NIN: variants seen among roughly 807,000 people sequenced by gnomAD.
NIN encodes ninein.
NIN carries 137 observed loss-of-function variants against 257.6 expected under a neutral mutation model. That is an observed-to-expected ratio of 0.53 (90% CI 0.46 to 0.61). The LOEUF is 0.61. Among genes scored for constraint, NIN ranks in the 20% least tolerant of loss-of-function variants. NIN has a pLI of 0.00. For synonymous variants in NIN, 918 were observed against 919.8 expected (o/e 1.00, Z 0.04); for missense variants, 2,439 against 2,501.2 (o/e 0.98, Z 0.53).
At position 50,751,384 on chromosome 14, in the gene NIN, T is replaced by C. The variant is rs187695026; in HGVS notation, c.4950+1134A>G. On this transcript the variant is annotated intron_variant, in intron 21 of 30. Transcript: ENST00000530997. ...AAAAAGGCGGTACCAGTTTGTATTCTCCCAGCAAAGCATGAAAGAGTCTGT... is the reference window on the plus strand; with the variant it reads ...AAAAAGGCGGTACCAGTTTGTATTCCCCCAGCAAAGCATGAAAGAGTCTGT... Among the ~76,000 whole-genome samples the C allele has an allele frequency of 6.4e-3, 969 of 152,314 alleles. 3 individuals are homozygous for C. Among genetic ancestry groups the C allele is most frequent in the South Asian group, 1.0e-2 (48 of 4,822 alleles).
intron 2 of NIN, among the ~76,000 whole-genome samples, chr14:50,823,765 C>G (rs920560157): frequency 1.3e-5 from 2 of 152,210 alleles, no homozygotes; most frequent in Admixed American, 6.5e-5. Context: ...TTTTCTGTTA[C>G]TAAGGTGCTG....
chr14:50,802,544 A>T (rs932027273), intron 4 of NIN, among the ~76,000 whole-genome samples: 3 of 152,236 alleles, frequency 2.0e-5, no homozygotes, highest in African/African-American at 7.2e-5. Context: ...CTATAAAAAC[A>T]TGAGATATAC....
intron 6 of NIN, 122 bp downstream of exon 6, chr14:50,778,643 G>C: frequency 3.7e-6 from 3 of 809,208 alleles, no homozygotes; most frequent in Non-Finnish European, 6.3e-6. Flanking sequence ...TAAATTTTTT[G>C]TTGCTGTTGT....
chr14:50,785,130 C>T (rs1435816407), intron 5 of NIN, among the ~76,000 whole-genome samples: 2 of 152,244 alleles, frequency 1.3e-5, no homozygotes, highest in Non-Finnish European at 2.9e-5. Flanking sequence ...GACAAGGGTG[C>T]CCTGCACACA....
chr14:50,747,028 A>AT (rs992312135), intron 22 of NIN, among the ~76,000 whole-genome samples: 3 of 152,012 alleles, frequency 2.0e-5, no homozygotes, highest in African/African-American at 7.3e-5. Flanking sequence ...TGCCCAGCTA[A>AT]TTTTTTTGTA....
At chr14:50,793,882 C>T (rs1329807284) in intron 4 of NIN, among the ~76,000 whole-genome samples, 1 of 152,208 alleles carries the variant, frequency 6.6e-6, no homozygotes, top group African/African-American at 2.4e-5. Flanking sequence ...TAAAATGTTT[C>T]ATTAAAGTAC....
rs201969344 is a variant in NIN at position 50,740,125 on chromosome 14, G to GA, written c.5449-639dup. The stretch of plus-strand genomic sequence containing the variant: ...GCCTCTTACCTTTTAAACCAAACAT[G>GA]AAAAAAAAAAAGGTACAATCTCATT... On this transcript the variant is annotated intron_variant, in intron 25 of 30. Coordinates refer to ENST00000530997, the MANE Select transcript of NIN (RefSeq NM_020921.4). 3.9e-3 allele frequency among the ~76,000 whole-genome samples: 526 copies of GA among 134,870 alleles called. 3 individuals carry two copies. The Middle Eastern group carries it at 0.05, about 13-fold the overall frequency. 88.5% of individuals were successfully genotyped at this position (134,870 alleles called of 152,430 possible). A position where few individuals can be genotyped will look rare whatever the true frequency, so the allele number is the denominator to read the frequency against.
chr14:50,798,236 A>G (rs111321467), intron 4 of NIN, among the ~76,000 whole-genome samples: 27 of 152,144 alleles, frequency 1.8e-4, no homozygotes, highest in African/African-American at 6.0e-4. Context: ...GCAGATGTTT[A>G]ATTAGGTCTT....
intron 30 of NIN, 89 bp downstream of exon 30, chr14:50,725,859 ATAAGT>A (rs766161184): frequency 1.2e-6 from 2 of 1,605,702 alleles, no homozygotes; most frequent in East Asian, 4.5e-5. Context: ...ATTAGACAAC[ATAAGT>A]TAACGAGTTA....
intron 5 of NIN, 119 bp downstream of exon 5, chr14:50,792,593 G>A: frequency 1.0e-6 from 1 of 985,648 alleles, no homozygotes; most frequent in South Asian, 1.5e-5. Context: ...GCAAGGAGTT[G>A]GTAACTGAGA....
chr14:50,765,602 C>T (rs1227304779), intron 14 of NIN, among the ~76,000 whole-genome samples: 9 of 151,590 alleles, frequency 5.9e-5, no homozygotes, highest in African/African-American at 1.9e-4. Flanking sequence ...TTTTTAAAAT[C>T]AAAGATTCTT....
At chr14:50,737,644 TTG>T (rs1405514419) in intron 27 of NIN, among the ~76,000 whole-genome samples, 9 of 119,168 alleles carry the variant, frequency 7.6e-5, no homozygotes, top group East Asian at 6.3e-4. Flanking sequence ...TTTTTTGTTG[TTG>T]TTTTTTTTTT....
chr14:50,754,793 C>T lies in NIN; in HGVS notation c.4613G>A (p.Ser1538Asn), dbSNP rs757074308. The change falls in exon 19 of 31, where the codon AGC becomes AAC. Residue 1538 changes from serine (S) to asparagine (N), a missense_variant. Physicochemically the swap from Ser to Asn is conservative, Grantham distance 46 (BLOSUM62 1). Transcript: ENST00000530997. Reference sequence around the variant, plus strand: ...TGTCCCTAATTTCAGGTTAGAAATGCTATCTTCTTCATTTAAAGTAGTAAT... The same window carrying T: ...TGTCCCTAATTTCAGGTTAGAAATGTTATCTTCTTCATTTAAAGTAGTAAT... ...NEITTLNEED[S>N]ISNLKLGTLN... The T allele has an allele frequency of 2.4e-5, 38 of 1,582,486 alleles. No homozygotes were observed. The highest frequency in any genetic ancestry group is 3.5e-5 in the Admixed American group (2 of 56,534).
chr14:50,727,157 A>C (rs899213944), intron 29 of NIN: 24 of 639,836 alleles, frequency 3.8e-5, no homozygotes, highest in Non-Finnish European at 4.5e-5. Flanking sequence ...CCAACAAAGC[A>C]AAACAAAAAA....
rs1437399873 is a variant in NIN at position 50,727,796 on chromosome 14, T to A, written c.6078+1727A>T. On this transcript the variant is annotated intron_variant, in intron 29 of 30. Coordinates refer to ENST00000530997, the MANE Select transcript of NIN (RefSeq NM_020921.4). ...AGTACACTTCACCCTCATGTCAGGATGAGTTTTTAGGGGGAGTCTAAATTC... is the reference window on the plus strand; with the variant it reads ...AGTACACTTCACCCTCATGTCAGGAAGAGTTTTTAGGGGGAGTCTAAATTC... The A allele has an allele frequency of 3.5e-6, 5 of 1,412,626 alleles. No homozygotes were observed. The African/African-American group carries it at 7.2e-5, about 20-fold the overall frequency. The allele number at this position is 1,412,626 out of a possible 1,614,324, so 87.5% of individuals were successfully genotyped here.
rs1201369245 is a variant in NIN, at chr14:50,761,888, G to C, written c.1798C>G (p.Pro600Ala). The change falls in exon 16 of 31, where the codon CCA becomes GCA. Residue 600 changes from proline (P) to alanine (A), a missense_variant. Physicochemically the swap from Pro to Ala is conservative, Grantham distance 27. This residue lies in a region of NIN where 2,043 missense variants were observed against 2,050.2 expected (regional missense o/e 1.00). Coordinates refer to ENST00000530997, the MANE Select transcript of NIN (RefSeq NM_020921.4). ...EHGLGSEECN[P>A]LNMSIEAELV... ...TCTGCCTCAATGCTCATATTCAATG[G>C]ATTGCATTCTTCAGAACCGAGCCCT... The C allele has an allele frequency of 1.2e-6, 2 of 1,613,920 alleles. No individual in the cohort carries two copies. Among genetic ancestry groups the C allele is most frequent in the African/African-American group, 1.3e-5 (1 of 74,874 alleles).
At chr14:50,825,218 A>G (rs2045404191) in intron 2 of NIN, among the ~76,000 whole-genome samples, 1 of 152,262 alleles carries the variant, frequency 6.6e-6, no homozygotes, top group African/African-American at 2.4e-5. Flanking sequence ...GGAGGTAACA[A>G]GTGAATTATC....
At chr14:50,737,211 T>C (rs2041022869) in intron 27 of NIN, among the ~76,000 whole-genome samples, 1 of 152,130 alleles carries the variant, frequency 6.6e-6, no homozygotes, top group Non-Finnish European at 1.5e-5. Context: ...TCACTCCTTC[T>C]GGGGGAAGCC....
chr14:50,773,456 A>G (rs1310728871), intron 7 of NIN, among the ~76,000 whole-genome samples: 1 of 152,240 alleles, frequency 6.6e-6, no homozygotes, highest in Non-Finnish European at 1.5e-5. Context: ...CAGTGTCATA[A>G]CAGTAGAAAG....
Sources: gnomAD v4.1 joint callset for allele counts (sites outside exome capture counted in the v4.1 genomes callset) on GRCh38, gnomAD v4.1.1 for gene constraint, gnomAD v4.1.1 regional missense constraint, MANE v1.5 for transcripts, NCBI Gene and HGNC (gene_info 2026-07-23, HGNC 2026-07-21) for gene names.